GRHL1: variants seen among roughly 807,000 people sequenced by gnomAD.
The protein encoded by GRHL1 is grainyhead like transcription factor 1.
In GRHL1, 38 loss-of-function variants were observed where a neutral mutation model predicts 75.7. The observed-to-expected ratio is 0.50, with a 90% confidence interval of 0.39 to 0.66. GRHL1 has a LOEUF of 0.66. Ranked by LOEUF, GRHL1 falls within the 30% of genes least tolerant of loss-of-function variation. The probability of loss-of-function intolerance (pLI) is 0.00; values close to 1 mark genes in which losing one functional copy is unlikely to be tolerated. For synonymous variants in GRHL1, 266 were observed against 279.4 expected (o/e 0.95, Z 0.48); for missense variants, 589 against 767.5 (o/e 0.77, Z 2.75).
In GRHL1 at chr2:9,961,313, G is replaced by A. The variant is rs747176892; in HGVS notation, c.546G>A (p.Arg182=). Reference sequence around the variant, plus strand: ...TGTATCATCCTGAGCCCACTGAGCGGGTGGTGGTTTTCGATCGGAATCTCA... The same window carrying A: ...TGTATCATCCTGAGCCCACTGAGCGAGTGGTGGTTTTCGATCGGAATCTCA... ...PAVYHPEPTE[R]VVVFDRNLNT... is the part of the protein sequence containing the mutation. Residue 182 remains arginine, a synonymous_variant, in exon 4 of 16, where the codon CGG becomes CGA. Transcript: ENST00000324907. The A allele has an allele frequency of 1.3e-5, 21 of 1,614,070 alleles. No individual in the cohort carries two copies. The highest frequency in any genetic ancestry group is 2.2e-5 in the South Asian group (2 of 91,082).
chr2:9,997,001 C>T (rs748772515), intron 14 of GRHL1, among the ~76,000 whole-genome samples: 1 of 152,194 alleles, frequency 6.6e-6, no homozygotes, highest in African/African-American at 2.4e-5. Flanking sequence ...ACTGGAAAAA[C>T]GCATGTCATC....
chr2:9,982,061 A>C (rs569484056), intron 8 of GRHL1, among the ~76,000 whole-genome samples: 1 of 152,364 alleles, frequency 6.6e-6, no homozygotes, highest in Admixed American at 6.5e-5. Context: ...GAGGATTTGC[A>C]TGACCTTATT....
chr2:9,959,104 A>G, intron 3 of GRHL1: 1 of 321,018 alleles, frequency 3.1e-6, no homozygotes, highest in Non-Finnish European at 5.7e-6. Context: ...CCAAAGGGAT[A>G]GTTTTAGTAA....
Position 9,964,285 on chromosome 2 carries a change from A to C in GRHL1, c.954A>C (p.Leu318Phe). ...AAGACAAAAGCAGAGAAGATCAGTT[A>C]AGGCATTGGAAGTACTGGCACTCCC... ...FAEDKSREDQ[L>F]RHWKYWHSRQ... The change falls in exon 7 of 16, where the codon TTA becomes TTC. Residue 318 changes from leucine to phenylalanine, a missense_variant. Around this residue, in one of 5 missense-constraint regions of GRHL1, gnomAD observed 362 missense variants for 461.8 expected, o/e 0.78. Coordinates refer to ENST00000324907, the MANE Select transcript of GRHL1 (RefSeq NM_198182.3). 1 of 1,613,008 alleles carries C rather than the reference A, an allele frequency of 6.2e-7. No individual in the cohort carries two copies. Among genetic ancestry groups the C allele is most frequent in the Non-Finnish European group, 8.5e-7 (1 of 1,178,950 alleles).
rs748306312 is a variant in GRHL1 at position 9,962,482 on chromosome 2, C to T, written c.697C>T (p.Arg233Trp). 7.5e-6 allele frequency: 12 copies of T among 1,601,352 alleles called. No homozygotes were observed. The highest frequency in any genetic ancestry group is 6.7e-5 in the East Asian group (3 of 44,812). Residue 233 changes from arginine to tryptophan, a missense_variant, in exon 5 of 16, where the codon CGG (arginine) becomes TGG (tryptophan). Transcript: ENST00000324907. ...TTTCTTCCCCTCGGATCTCAGTCTG[C>T]GGATGCCTGGCATGAATTCAGAGGA... ...EVFFPSDLSL[R>W]MPGMNSEDYV... is the part of the protein sequence containing the mutation.
intron 15 of GRHL1, among the ~76,000 whole-genome samples, chr2:10,000,073 T>G (rs1026123934): frequency 2.0e-5 from 3 of 152,226 alleles, no homozygotes; most frequent in African/African-American, 7.2e-5. Flanking sequence ...AGCCTTGAAC[T>G]CCTGGGCTCA....
At chr2:9,978,489 G>A (rs1668046933) in intron 8 of GRHL1, among the ~76,000 whole-genome samples, 1 of 152,176 alleles carries the variant, frequency 6.6e-6, no homozygotes, top group South Asian at 2.1e-4. Flanking sequence ...GAACGAGAAT[G>A]GACATTTGGA....
intron 14 of GRHL1, among the ~76,000 whole-genome samples, chr2:9,998,613 TATATATGTACACATATAC>T (rs1326935548): frequency 0.19 from 11,622 of 62,538 alleles, 4,143 homozygotes; most frequent in African/African-American, 0.26. Flanking sequence ...TATATATACA[TATATATGTACACATATAC>T]ATATATATGT....
chr2:9,963,876 T>TG lies in GRHL1; in HGVS notation c.747-9dup. 6.2e-7 allele frequency: 1 copy of TG among 1,602,478 alleles called. No homozygotes were observed. Among genetic ancestry groups the TG allele is most frequent in the East Asian group, 2.2e-5 (1 of 44,796 alleles). On this transcript the variant is annotated splice_polypyrimidine_tract_variant and intron_variant, in intron 5 of 15. Coordinates refer to ENST00000324907, the MANE Select transcript of GRHL1 (RefSeq NM_198182.3). The stretch of plus-strand genomic sequence containing the variant: ...AGATTTAGAGACCTGTGACTTTTTT[T>TG]GTCCTTTAGGAACAACTTTGAATAT...
chr2:9,981,280 A>G (rs888350890), intron 8 of GRHL1, among the ~76,000 whole-genome samples: 2 of 152,262 alleles, frequency 1.3e-5, no homozygotes, highest in Non-Finnish European at 2.9e-5. Flanking sequence ...CTGGGCTGAT[A>G]GGGACAGTGT....
At chr2:9,971,370 C>T (rs115870589) in intron 8 of GRHL1, among the ~76,000 whole-genome samples, 1,808 of 152,192 alleles carry the variant, frequency 0.012, 36 homozygotes, top group African/African-American at 0.041. Context: ...CTTGCGATTG[C>T]AAATGTAGGC....
chr2:9,962,606 T>G (rs41264179), intron 5 of GRHL1, 75 bp downstream of exon 5: 1 of 866,766 alleles, frequency 1.2e-6, no homozygotes, highest in Non-Finnish European at 1.9e-6. Flanking sequence ...ACTTGATAAA[T>G]CAAAGGTGGC....
At chr2:9,952,986 A>G (rs1666856478) in intron 1 of GRHL1, 1 of 456,404 alleles carries the variant, frequency 2.2e-6, no homozygotes, top group Non-Finnish European at 4.4e-6. Context: ...GCTCACCTGA[A>G]AGTGATGATG....
At chr2:9,994,809 C>T (rs995500721) in intron 12 of GRHL1, among the ~76,000 whole-genome samples, 5 of 152,192 alleles carry the variant, frequency 3.3e-5, no homozygotes, top group Admixed American at 1.3e-4. Flanking sequence ...GCCAGGTGCC[C>T]CTGGTAGCCA....
chr2:9,997,909 C>T (rs1668943867), intron 14 of GRHL1, among the ~76,000 whole-genome samples: 2 of 152,054 alleles, frequency 1.3e-5, no homozygotes, highest in Admixed American at 6.6e-5. Context: ...TGCAGAATTA[C>T]TGGGCCAGCA....
chr2:9,974,102 G>C (rs891499), intron 8 of GRHL1, among the ~76,000 whole-genome samples: 59,320 of 152,140 alleles, frequency 0.39, 13,327 homozygotes, highest in African/African-American at 0.62. Flanking sequence ...CCGTCACTGT[G>C]GCAGTGTGGT....
chr2:9,974,727 G>C (rs1301156160), intron 8 of GRHL1, among the ~76,000 whole-genome samples: 1 of 152,248 alleles, frequency 6.6e-6, no homozygotes, highest in Non-Finnish European at 1.5e-5. Context: ...CCCTGTGGAA[G>C]AACTGGCTTA....
chr2:9,992,235 C>A lies in GRHL1; in HGVS notation c.1461+89C>A. On this transcript the variant is annotated intron_variant, in intron 11 of 15. Transcript: ENST00000324907. This position sits in a 1 kb window ranked among gnomAD's most constrained non-coding sequence, Gnocchi z 4.6. ...GGCATTATTCATGGGAAACAGAAGC[C>A]AAAATTGAGTGAGGTTTGACCAGTT... 2 of 1,255,758 alleles carry A rather than the reference C, an allele frequency of 1.6e-6. No individual in the cohort carries two copies. Among genetic ancestry groups the A allele is most frequent in the Non-Finnish European group, 2.3e-6 (2 of 887,100 alleles). 77.8% of individuals were successfully genotyped at this position (1,255,758 alleles called of 1,614,324 possible). A position where few individuals can be genotyped will look rare whatever the true frequency, so the allele number is the denominator to read the frequency against.
chr2:9,996,003 T>A, intron 13 of GRHL1, 33 bp downstream of exon 13: 1 of 1,281,464 alleles, frequency 7.8e-7, no homozygotes, highest in Non-Finnish European at 1.1e-6. Flanking sequence ...GTGGGAGTTT[T>A]AAATCAGAAG....
Sources: gnomAD v4.1 joint callset for allele counts (sites outside exome capture counted in the v4.1 genomes callset) on GRCh38, gnomAD v4.1.1 for gene constraint, gnomAD v4.1.1 regional missense constraint, Gnocchi (gnomAD v3.1) non-coding constraint, MANE v1.5 for transcripts, NCBI Gene and HGNC (gene_info 2026-07-23, HGNC 2026-07-21) for gene names.